The following SPECC1L variants were observed in gnomAD, a reference collection of about 807,000 sequenced individuals.
SPECC1L encodes sperm antigen with calponin homology and coiled-coil domains 1 like.
SPECC1L carries 40 observed loss-of-function variants against 116.8 expected under a neutral mutation model. The observed-to-expected ratio is 0.34, with a 90% CI of 0.27 to 0.45. SPECC1L has a LOEUF of 0.45. SPECC1L is among the 20% of genes least tolerant of loss of function. SPECC1L has a pLI of 1.00. For missense variants in SPECC1L, 1,110 were observed against 1,373.6 expected, an observed-to-expected ratio of 0.81 and a Z score of 3.03; for synonymous variants, 504 against 500.6, an observed-to-expected ratio of 1.01 and a Z score of -0.09.
At chr22:24,340,234 C>T (rs747795045) in intron 10 of SPECC1L, among the ~76,000 whole-genome samples, 3 of 149,630 alleles carry the variant, frequency 2.0e-5, no homozygotes, top group Non-Finnish European at 4.4e-5. Flanking sequence ...CTGCAACCTC[C>T]ACCTCCTGGG....
chr22:24,280,135 C>T (rs1037027812), intron 2 of SPECC1L, among the ~76,000 whole-genome samples: 1 of 152,178 alleles, frequency 6.6e-6, no homozygotes, highest in Non-Finnish European at 1.5e-5. Flanking sequence ...TAGGTGCTAG[C>T]CTGCCAACCT....
At chr22:24,385,527 C>A (rs2042145308) in intron 14 of SPECC1L, among the ~76,000 whole-genome samples, 1 of 152,126 alleles carries the variant, frequency 6.6e-6, no homozygotes, top group Non-Finnish European at 1.5e-5. Context: ...CGAGCACTAA[C>A]CAAAGGACTG....
chr22:24,307,922 T>C (rs2049534413), intron 3 of SPECC1L, among the ~76,000 whole-genome samples: 2 of 152,162 alleles, frequency 1.3e-5, no homozygotes, highest in South Asian at 2.1e-4. Flanking sequence ...GTAAAATCTT[T>C]TTATTTTGAA....
In SPECC1L at chr22:24,324,293, A is replaced by G; in HGVS notation, c.2012A>G (p.Lys671Arg). The change falls in exon 6 of 17, where the codon AAA (lysine) becomes AGA (arginine). Residue 671 changes from lysine to arginine, a missense_variant. This residue lies in a region of SPECC1L where 575 missense variants were observed against 682.4 expected (regional missense o/e 0.84). Coordinates refer to ENST00000314328, the MANE Select transcript of SPECC1L (RefSeq NM_015330.6). ...QIEDLNMTLEKLRSDLDEKET... is the reference protein window; with the variant it reads ...QIEDLNMTLERLRSDLDEKET... ...GAAGATTTGAATATGACGTTAGAAA[A>G]ATTAAGATCAGACCTGGATGAAAAA... The G allele has an allele frequency of 2.5e-6, 4 of 1,614,152 alleles. No individual in the cohort carries two copies. In the South Asian group the frequency reaches 4.4e-5, roughly 18 times the overall value.
At chr22:24,350,081 G>A (rs943841480) in intron 11 of SPECC1L, among the ~76,000 whole-genome samples, 6 of 151,960 alleles carry the variant, frequency 3.9e-5, no homozygotes, top group African/African-American at 1.5e-4. Flanking sequence ...TGAGTACTTG[G>A]GCATGCTCCT....
intron 11 of SPECC1L, among the ~76,000 whole-genome samples, chr22:24,354,591 A>G (rs985308162): frequency 6.6e-6 from 1 of 151,864 alleles, no homozygotes; most frequent in African/African-American, 2.4e-5. Flanking sequence ...CTGGCACTAC[A>G]AGATGCTCCA....
At chr22:24,306,943 G>C (rs2049511512) in intron 3 of SPECC1L, among the ~76,000 whole-genome samples, 1 of 152,174 alleles carries the variant, frequency 6.6e-6, no homozygotes. Context: ...TTAGCATCAT[G>C]TCCTCAAGGT....
In SPECC1L at chr22:24,394,157, T is replaced by G. The variant is rs142377724; in HGVS notation, c.3088-17431T>G. ...ACTCCTATGAACGTTCACGTGCAGG[T>G]GTTCATATGGTGTCTTAGTCAGTTT... On this transcript the variant is annotated intron_variant, in intron 14 of 16. Coordinates refer to ENST00000314328, the MANE Select transcript of SPECC1L (RefSeq NM_015330.6). Among the ~76,000 whole-genome samples the G allele has an allele frequency of 9.2e-5, 14 of 152,334 alleles. No individual in the cohort carries two copies. In the East Asian group the frequency reaches 2.7e-3, roughly 29 times the overall value.
chr22:24,408,834 T>C (rs1264875501), intron 14 of SPECC1L, among the ~76,000 whole-genome samples: 1 of 152,282 alleles, frequency 6.6e-6, no homozygotes, highest in African/African-American at 2.4e-5. Flanking sequence ...TACATTCTGA[T>C]GATGCAGGTG....
chr22:24,309,936 A>C (rs1159739867), intron 3 of SPECC1L, among the ~76,000 whole-genome samples: 3 of 152,128 alleles, frequency 2.0e-5, no homozygotes, highest in Non-Finnish European at 4.4e-5. Flanking sequence ...ACTATATGAG[A>C]AGATATGTTC....
At chr22:24,332,134 G>A (rs1245680501) in intron 8 of SPECC1L, among the ~76,000 whole-genome samples, 1 of 152,176 alleles carries the variant, frequency 6.6e-6, no homozygotes, top group East Asian at 1.9e-4. Context: ...TGGGTATTTT[G>A]TGAAAACAGT....
chr22:24,365,360 GT>G (rs1315803282), intron 12 of SPECC1L, 115 bp from the exon 13 acceptor site: 3 of 957,602 alleles, frequency 3.1e-6, no homozygotes, highest in African/African-American at 3.3e-5. Context: ...ATCAATATTA[GT>G]TTTTCCTCCT....
rs1260551484 is a variant in SPECC1L at position 24,317,421 on chromosome 22, C to T, written c.308-3867C>T. Among the ~76,000 whole-genome samples, 11 of 103,654 alleles carry T rather than the reference C, an allele frequency of 1.1e-4. 2 individuals are homozygous for T. The South Asian group carries it at 3.0e-3, about 28-fold the overall frequency. The allele number at this position is 103,654 out of a possible 152,430, so 68.0% of individuals were successfully genotyped here. On this transcript the variant is annotated intron_variant, in intron 4 of 16. Coordinates refer to ENST00000314328, the MANE Select transcript of SPECC1L (RefSeq NM_015330.6). ...GGCGCCCCTCACCTCCCAGATGGGG[C>T]GCTGGCCGGGCGGGGGGCTGACCCC...
chr22:24,322,890 C>T lies in SPECC1L; in HGVS notation c.1910C>T (p.Ala637Val). 1.2e-6 allele frequency: 2 copies of T among 1,613,816 alleles called. No homozygotes were observed. The highest frequency in any genetic ancestry group is 2.2e-5 in the East Asian group (1 of 44,884). Residue 637 changes from alanine to valine, a missense_variant, in exon 5 of 17, where the codon GCC becomes GTC. This residue lies in a region of SPECC1L where 575 missense variants were observed against 682.4 expected (regional missense o/e 0.84). Transcript: ENST00000314328. Reference sequence around the variant, plus strand: ...GATCTGGCTCATACCCGAAATGATGCCAATCGATTACAGGATGCCATTGCT... The same window carrying T: ...GATCTGGCTCATACCCGAAATGATGTCAATCGATTACAGGATGCCATTGCT... ...QEDLAHTRND[A>V]NRLQDAIAKV...
chr22:24,410,500 T>C (rs1259782994), intron 14 of SPECC1L, among the ~76,000 whole-genome samples: 1 of 152,220 alleles, frequency 6.6e-6, no homozygotes, highest in Non-Finnish European at 1.5e-5. Context: ...AGGAGCCCTG[T>C]ACTCATCCCA....
At chr22:24,347,667 C>G (rs1365402168) in intron 11 of SPECC1L, among the ~76,000 whole-genome samples, 2 of 151,970 alleles carry the variant, frequency 1.3e-5, no homozygotes, top group African/African-American at 4.8e-5. Flanking sequence ...GAGGAACTTG[C>G]TGTTTTCACA....
intron 3 of SPECC1L, 94 bp from the exon 4 acceptor site, chr22:24,313,219 G>A (rs2040495194): frequency 3.7e-6 from 5 of 1,369,750 alleles, no homozygotes; most frequent in South Asian, 1.2e-5. Flanking sequence ...TAGGGCTCTT[G>A]AACTTAGTAT....
intron 4 of SPECC1L, among the ~76,000 whole-genome samples, chr22:24,317,420 G>C (rs1188979021): frequency 8.2e-6 from 1 of 122,324 alleles, no homozygotes; most frequent in Non-Finnish European, 1.8e-5. Flanking sequence ...CCCAGATGGG[G>C]CGCTGGCCGG....
intron 14 of SPECC1L, among the ~76,000 whole-genome samples, chr22:24,403,720 A>G (rs1476381684): frequency 6.6e-6 from 1 of 152,252 alleles, no homozygotes; most frequent in East Asian, 1.9e-4. Context: ...TTTACTAAAT[A>G]GAAATGCTAT....
Sources: allele counts gnomAD v4.1 joint callset (sites outside exome capture counted in the v4.1 genomes callset), GRCh38; gene constraint gnomAD v4.1.1; regional missense constraint gnomAD v4.1.1; transcripts MANE v1.5; gene names NCBI Gene and HGNC (gene_info 2026-07-23, HGNC 2026-07-21).